MCPH1: variants seen among roughly 807,000 people sequenced by gnomAD.
MCPH1 encodes microcephalin.
In MCPH1, 104 loss-of-function variants were observed where a neutral mutation model predicts 84.5. The ratio of observed to expected loss-of-function variants is 1.23; its 90% CI spans 1.05 to 1.45. The LOEUF (loss-of-function observed/expected upper bound fraction) is 1.45, where lower values mean the gene tolerates loss of function less well. MCPH1 is among the 40% of genes most tolerant of loss of function. The pLI, the probability that MCPH1 is intolerant of heterozygous loss-of-function variation, is 0.00. For synonymous variants in MCPH1, 514 were observed against 366.8 expected (o/e 1.40, Z -4.58); for missense variants, 1,498 against 1,005.7 (o/e 1.49, Z -6.62).
At position 6,444,706 on chromosome 8, in the gene MCPH1, G is replaced by A. The variant is rs773404531; in HGVS notation, c.984G>A (p.Glu328=). 6.2e-7 allele frequency: 1 copy of A among 1,613,978 alleles called. No individual in the cohort carries two copies. Among genetic ancestry groups the A allele is most frequent in the Non-Finnish European group, 8.5e-7 (1 of 1,180,042 alleles). Residue 328 remains glutamate (E), a synonymous_variant, in exon 8 of 14, where the codon GAG becomes GAA. Transcript: ENST00000344683. The part of the protein sequence containing the change: ...AAGMSQETFE[E]KYRLSPTLSS... The stretch of plus-strand genomic sequence containing the variant: ...GTATGTCTCAGGAGACGTTTGAAGA[G>A]AAGTATCGTTTGTCTCCTACCTTAT...
intron 12 of MCPH1, among the ~76,000 whole-genome samples, chr8:6,526,010 C>G (rs889012267): frequency 3.3e-5 from 5 of 152,038 alleles, no homozygotes; most frequent in African/African-American, 9.7e-5. Flanking sequence ...TGGACATATC[C>G]TAGGTTTGTC....
intron 12 of MCPH1, among the ~76,000 whole-genome samples, chr8:6,554,863 C>T (rs909716946): frequency 1.3e-5 from 2 of 152,132 alleles, no homozygotes; most frequent in African/African-American, 2.4e-5. Flanking sequence ...GTCCAGTTCT[C>T]AGGAGTTTTT....
intron 12 of MCPH1, among the ~76,000 whole-genome samples, chr8:6,511,353 G>T (rs538415956): frequency 6.6e-4 from 100 of 152,076 alleles, no homozygotes; most frequent in African/African-American, 2.3e-3. Flanking sequence ...GAGTAAAGAG[G>T]TAACATCAAC....
intron 12 of MCPH1, among the ~76,000 whole-genome samples, chr8:6,548,961 T>G (rs1823093554): frequency 6.6e-6 from 1 of 152,262 alleles, no homozygotes; most frequent in South Asian, 2.1e-4. Context: ...GGAATTATGT[T>G]TAACCAGTAC....
chr8:6,474,731 G>T (rs1231078221), intron 9 of MCPH1, among the ~76,000 whole-genome samples: 1 of 152,148 alleles, frequency 6.6e-6, no homozygotes, highest in African/African-American at 2.4e-5. Flanking sequence ...GGGCACAGTG[G>T]CTCATGCCTA....
intron 12 of MCPH1, among the ~76,000 whole-genome samples, chr8:6,613,147 G>A (rs906466670): frequency 2.6e-5 from 4 of 152,206 alleles, no homozygotes; most frequent in Non-Finnish European, 4.4e-5. Context: ...GCCGGGTGCC[G>A]GGAAGCAGGA....
chr8:6,416,457 C>A (rs926853816), intron 3 of MCPH1, among the ~76,000 whole-genome samples: 1 of 152,106 alleles, frequency 6.6e-6, no homozygotes, highest in Admixed American at 6.6e-5. Context: ...GTGTAAATGT[C>A]CTTTTTTAGG....
intron 4 of MCPH1, among the ~76,000 whole-genome samples, chr8:6,434,296 A>G (rs2442515): frequency 0.73 from 110,665 of 152,012 alleles, 41,943 homozygotes; most frequent in East Asian, 0.82. Flanking sequence ...TATACTGCTG[A>G]CCCTGAGTCT....
At chr8:6,414,670 A>G in intron 2 of MCPH1, 95 bp from the exon 3 acceptor site, 1 of 1,380,808 alleles carries the variant, frequency 7.2e-7, no homozygotes, top group Middle Eastern at 2.3e-4. Context: ...AGATGTTGAG[A>G]AACAGAATTG....
intron 12 of MCPH1, among the ~76,000 whole-genome samples, chr8:6,611,774 A>G (rs945236189): frequency 2.0e-5 from 3 of 151,896 alleles, no homozygotes; most frequent in Non-Finnish European, 4.4e-5. Context: ...GTCCGCCACC[A>G]CGCCCGGCTA....
intron 4 of MCPH1, among the ~76,000 whole-genome samples, chr8:6,433,630 CA>C (rs60661127): frequency 0.046 from 1,866 of 40,874 alleles, 14 homozygotes; most frequent in African/African-American, 0.12. Flanking sequence ...GGCTCTGTCT[CA>C]AAAAAAAAAA....
intron 13 of MCPH1, chr8:6,626,514 T>A (rs1832097375): frequency 4.1e-6 from 4 of 982,504 alleles, no homozygotes; most frequent in African/African-American, 3.5e-5. Flanking sequence ...AGCACACTTG[T>A]GGGTGGTTGA....
At position 6,438,976 on chromosome 8, in the gene MCPH1, T is replaced by G. The variant is rs1316379302; in HGVS notation, c.460T>G (p.Phe154Val). Residue 154 changes from phenylalanine (F) to valine (V), a missense_variant, in exon 6 of 14, where the codon TTT becomes GTT. By Grantham distance (50) the Phe-to-Val change is conservative (BLOSUM62 -1). Coordinates refer to ENST00000344683, the MANE Select transcript of MCPH1 (RefSeq NM_024596.5). Reference sequence around the variant, plus strand: ...AGATGATGATGTACCTATTCTCTTATTTGAATCTAATGGTTCATTAATATA... The same window carrying G: ...AGATGATGATGTACCTATTCTCTTAGTTGAATCTAATGGTTCATTAATATA... ...NLDDDVPILL[F>V]ESNGSLIYTP... 6.2e-7 allele frequency: 1 copy of G among 1,612,372 alleles called. No homozygotes were observed. The highest frequency in any genetic ancestry group is 1.3e-5 in the African/African-American group (1 of 74,898).
chr8:6,427,279 G>C (rs1482546232), intron 3 of MCPH1, among the ~76,000 whole-genome samples: 1 of 152,202 alleles, frequency 6.6e-6, no homozygotes, highest in Non-Finnish European at 1.5e-5. Context: ...GAAGGCCTAG[G>C]ACATTACTAC....
intron 12 of MCPH1, among the ~76,000 whole-genome samples, chr8:6,543,612 A>T (rs1822001803): frequency 6.6e-6 from 1 of 151,992 alleles, no homozygotes. Context: ...TTCCTCTTTG[A>T]TTTTTGTGTT....
chr8:6,552,439 G>C (rs1013478190), intron 12 of MCPH1, among the ~76,000 whole-genome samples: 3 of 152,112 alleles, frequency 2.0e-5, no homozygotes, highest in African/African-American at 7.2e-5. Flanking sequence ...TTGTCGAAAA[G>C]GAATTCATTA....
intron 12 of MCPH1, among the ~76,000 whole-genome samples, chr8:6,535,726 G>T (rs989726460): frequency 2.2e-4 from 33 of 152,096 alleles, no homozygotes; most frequent in African/African-American, 7.7e-4. Flanking sequence ...CCAAAAATGT[G>T]CAGTAGTAGA....
At chr8:6,577,455 C>T (rs1054949556) in intron 12 of MCPH1, among the ~76,000 whole-genome samples, 1 of 152,248 alleles carries the variant, frequency 6.6e-6, no homozygotes, top group Admixed American at 6.5e-5. Flanking sequence ...GTACAAATGG[C>T]TGTCTAGTAA....
chr8:6,641,265 A>G (rs528100512), intron 13 of MCPH1, among the ~76,000 whole-genome samples: 1 of 152,072 alleles, frequency 6.6e-6, no homozygotes, highest in South Asian at 2.1e-4. Context: ...AAGTGTAAAA[A>G]TTGAATCCAT....
Sources: allele counts gnomAD v4.1 joint callset (sites outside exome capture counted in the v4.1 genomes callset), GRCh38; gene constraint gnomAD v4.1.1; transcripts MANE v1.5; gene names NCBI Gene and HGNC (gene_info 2026-07-23, HGNC 2026-07-21).